Variants in LRCH3 observed in about 807,000 individuals in gnomAD.
The protein encoded by LRCH3 is leucine rich repeats and calponin homology domain containing 3, also known as DISP complex protein LRCH3.
A neutral mutation model predicts 104.5 loss-of-function variants in LRCH3; 68 were observed. The observed-to-expected ratio is 0.65, with a 90% CI of 0.54 to 0.80. The LOEUF is 0.80. Among genes scored for constraint, LRCH3 ranks in the 30% least tolerant of loss-of-function variants. The pLI is 0.00. For synonymous variants in LRCH3, 344 were observed against 361.3 expected (o/e 0.95, Z 0.54); for missense variants, 951 against 953.9 (o/e 1.00, Z 0.04).
At chr3:197,837,386 A>G (rs1736974713) in intron 9 of LRCH3, among the ~76,000 whole-genome samples, 1 of 152,184 alleles carries the variant, frequency 6.6e-6, no homozygotes, top group South Asian at 2.1e-4. Context: ...TTGTAATAAT[A>G]TTTTTAAAAT....
chr3:197,875,634 G>A (rs9758121), intron 19 of LRCH3, 64 bp from the exon 20 acceptor site: 156,533 of 1,240,250 alleles, frequency 0.13, 14,149 homozygotes, highest in African/African-American at 0.44. Flanking sequence ...AGCCTGGGTG[G>A]CAGTGAGACC....
intron 15 of LRCH3, 49 bp downstream of exon 15, chr3:197,858,954 T>C: frequency 7.0e-7 from 1 of 1,438,188 alleles, no homozygotes; most frequent in Non-Finnish European, 9.8e-7. Flanking sequence ...AGGAGGTGGA[T>C]ATAAGGTCTT....
intron 2 of LRCH3, among the ~76,000 whole-genome samples, chr3:197,815,969 TTGTA>T (rs1261204468): frequency 6.6e-6 from 1 of 152,218 alleles, no homozygotes; most frequent in African/African-American, 2.4e-5. Flanking sequence ...AAAACTATTT[TTGTA>T]TGTAATTATT....
intron 12 of LRCH3, chr3:197,850,327 A>T: frequency 2.7e-6 from 2 of 728,542 alleles, no homozygotes; most frequent in East Asian, 2.7e-5. Flanking sequence ...TAATTCTCCC[A>T]ACTCTCTTTA....
intron 3 of LRCH3, among the ~76,000 whole-genome samples, chr3:197,819,267 G>GT (rs1265772773): frequency 3.3e-5 from 5 of 151,326 alleles, no homozygotes; most frequent in African/African-American, 1.2e-4. Flanking sequence ...TTCAACATAC[G>GT]TATTTTCTGA....
At chr3:197,846,401 C>CA (rs869092632) in intron 10 of LRCH3, among the ~76,000 whole-genome samples, 2,215 of 122,410 alleles carry the variant, frequency 0.018, 67 homozygotes, top group African/African-American at 0.061. Flanking sequence ...AAAAAAAAAA[C>CA]AAAAAAAAAA....
At chr3:197,857,125 A>G (rs1740354517) in intron 14 of LRCH3, among the ~76,000 whole-genome samples, 1 of 150,420 alleles carries the variant, frequency 6.6e-6, no homozygotes. Context: ...CTACCCCTCA[A>G]GCTCCTGTTA....
intron 9 of LRCH3, among the ~76,000 whole-genome samples, chr3:197,837,800 A>G (rs530396288): frequency 8.1e-4 from 123 of 152,210 alleles, no homozygotes; most frequent in African/African-American, 2.7e-3. Context: ...TAATCCCAGC[A>G]CTGTGGGAGG....
chr3:197,836,725 T>A (rs1736851607), intron 9 of LRCH3, among the ~76,000 whole-genome samples: 1 of 152,262 alleles, frequency 6.6e-6, no homozygotes, highest in African/African-American at 2.4e-5. Flanking sequence ...TCGCCCAGGC[T>A]GGTGTGCCTT....
chr3:197,817,358 GTGTA>G, intron 3 of LRCH3, 56 bp downstream of exon 3: 42 of 119,844 alleles, frequency 3.5e-4, no homozygotes, highest in Middle Eastern at 2.2e-3. Flanking sequence ...GTGTGTGTGT[GTGTA>G]TATATATATA....
At chr3:197,835,480 C>A (rs1311598776) in intron 8 of LRCH3, among the ~76,000 whole-genome samples, 194 bp from the exon 9 acceptor site, 1 of 140,644 alleles carries the variant, frequency 7.1e-6, no homozygotes, top group African/African-American at 2.7e-5. Flanking sequence ...AGCCACCAAC[C>A]TTGGACATAA....
chr3:197,799,424 G>A (rs1374244413), intron 1 of LRCH3, among the ~76,000 whole-genome samples: 3 of 152,178 alleles, frequency 2.0e-5, no homozygotes, highest in Non-Finnish European at 4.4e-5. Context: ...TAGTAAAAAT[G>A]TAAAGCATTT....
At chr3:197,833,631 G>A (rs370705218) in intron 8 of LRCH3, among the ~76,000 whole-genome samples, 9 of 151,930 alleles carry the variant, frequency 5.9e-5, no homozygotes, top group Admixed American at 1.3e-4. Context: ...GAAAAAAAGC[G>A]TGTAAAATAG....
chr3:197,839,237 A>T, intron 9 of LRCH3, 84 bp from the exon 10 acceptor site: 1 of 854,352 alleles, frequency 1.2e-6, no homozygotes, highest in Non-Finnish European at 1.8e-6. Flanking sequence ...TATATAAATT[A>T]AATGACAAAT....
At chr3:197,835,395 G>A (rs1041067871) in intron 8 of LRCH3, among the ~76,000 whole-genome samples, 1 of 150,604 alleles carries the variant, frequency 6.6e-6, no homozygotes, top group African/African-American at 2.4e-5. Context: ...TATTGGTCAG[G>A]CTTGCCTTGA....
chr3:197,812,504 G>GTTTTTT (rs71623380), intron 1 of LRCH3, among the ~76,000 whole-genome samples: 656 of 48,954 alleles, frequency 0.013, 195 homozygotes, highest in African/African-American at 0.045. Context: ...TCTGCTTTCA[G>GTTTTTT]TTTTTTTTTT....
chr3:197,819,935 C>T (rs932483880), intron 3 of LRCH3, among the ~76,000 whole-genome samples: 2 of 152,102 alleles, frequency 1.3e-5, no homozygotes, highest in Non-Finnish European at 1.5e-5. Flanking sequence ...GTCTGAAACT[C>T]CTGGGCTCAC....
rs967099563 is a variant in LRCH3 at position 197,832,262 on chromosome 3, A to G, written c.1047A>G (p.Arg349=). 1.2e-6 allele frequency: 2 copies of G among 1,613,846 alleles called. No homozygotes were observed. The highest frequency in any genetic ancestry group is 1.7e-5 in the Admixed American group (1 of 59,996). ...AGATTACTAAAGAACAAAGACTACG[A>G]AGAGAAAGCCAGTACCAAGAGAACC... ...VAEITKEQRL[R]RESQYQENRG... The change falls in exon 8 of 21, where the codon CGA becomes CGG. Residue 349 remains arginine (R), a synonymous_variant. Coordinates refer to ENST00000425562, the MANE Select transcript of LRCH3 (RefSeq NM_001365715.1).
intron 1 of LRCH3, among the ~76,000 whole-genome samples, chr3:197,805,145 G>A (rs951103805): frequency 6.6e-6 from 1 of 152,190 alleles, no homozygotes; most frequent in East Asian, 1.9e-4. Context: ...TACCCGCCTT[G>A]GCCTCCCAAA....
Sources: allele counts gnomAD v4.1 joint callset (sites outside exome capture counted in the v4.1 genomes callset), GRCh38; gene constraint gnomAD v4.1.1; transcripts MANE v1.5; gene names NCBI Gene and HGNC (gene_info 2026-07-23, HGNC 2026-07-21).